Variants in KCNQ1OT1 observed in about 807,000 individuals in gnomAD.
KCNQ1OT1 encodes KCNQ1 opposite strand/antisense transcript 1.
exon 1 of KCNQ1OT1, chr11:2,689,006 T>C (rs990275198): frequency 1.5e-5 from 6 of 398,580 alleles, no homozygotes; most frequent in South Asian, 1.3e-4. Flanking sequence ...TGCAGGTCCC[T>C]GGGTTGGAAT....
At position 2,668,612 on chromosome 11, in the gene KCNQ1OT1, C is replaced by T; in HGVS notation, n.31383G>A. On this transcript the variant is annotated non_coding_transcript_exon_variant, in exon 1 of 1. Coordinates refer to ENST00000597346, the Ensembl canonical transcript of KCNQ1OT1. The surrounding 1 kb of genome is among the most constrained non-coding windows in gnomAD (Gnocchi z 4.3). ...ATCATTCTGTATAAATTGCCTACAT[C>T]TTCTGCCTGTTTTATGTTTATTTAT... 2.5e-6 allele frequency: 1 copy of T among 398,586 alleles called. No individual in the cohort carries two copies. Among genetic ancestry groups the T allele is most frequent in the Non-Finnish European group, 4.4e-6 (1 of 226,060 alleles). The allele number at this position is 398,586 out of a possible 1,614,324, so 24.7% of individuals were successfully genotyped here.
At chr11:2,655,943 C>T (rs1849838841) in exon 1 of KCNQ1OT1, 1 of 398,608 alleles carries the variant, frequency 2.5e-6, no homozygotes, top group African/African-American at 2.1e-5. Flanking sequence ...ACACATTCCT[C>T]TCTGGCAGGT....
At chr11:2,696,043 GTAT>G (rs1850671178) in exon 1 of KCNQ1OT1, 1 of 398,414 alleles carries the variant, frequency 2.5e-6, no homozygotes, top group Non-Finnish European at 4.4e-6. Flanking sequence ...TGTTTCCTTA[GTAT>G]TATTATGAAA....
chr11:2,616,483 T>C, exon 1 of KCNQ1OT1: 1 of 397,946 alleles, frequency 2.5e-6, no homozygotes, highest in Non-Finnish European at 4.4e-6. Context: ...GGTATAATAT[T>C]AGGTTATGGA....
At position 2,683,900 on chromosome 11, in the gene KCNQ1OT1, C is replaced by T; in HGVS notation, n.16095G>A. The T allele has an allele frequency of 2.5e-6, 1 of 398,534 alleles. No individual in the cohort carries two copies. The highest frequency in any genetic ancestry group is 4.4e-5 in the Admixed American group (1 of 22,722). 24.7% of individuals were successfully genotyped at this position (398,534 alleles called of 1,614,324 possible). A position where few individuals can be genotyped will look rare whatever the true frequency, so the allele number is the denominator to read the frequency against. Reference sequence around the variant, plus strand: ...TCCAAATCATAAATGCAAAAGATGGCCAAAGGTGCATGCTCTGTGACACGT... The same window carrying T: ...TCCAAATCATAAATGCAAAAGATGGTCAAAGGTGCATGCTCTGTGACACGT... On this transcript the variant is annotated non_coding_transcript_exon_variant, in exon 1 of 1. Coordinates refer to ENST00000597346, the Ensembl canonical transcript of KCNQ1OT1. This position sits in a 1 kb window ranked among gnomAD's most constrained non-coding sequence, Gnocchi z 4.7.
At chr11:2,629,012 A>G (rs1288687781) in exon 1 of KCNQ1OT1, 2 of 398,350 alleles carry the variant, frequency 5.0e-6, no homozygotes, top group Non-Finnish European at 8.9e-6. Flanking sequence ...ATAATTCAAA[A>G]TAAGCATGTG....
chr11:2,646,824 TTTTG>T (rs1437959506), exon 1 of KCNQ1OT1: 1 of 398,480 alleles, frequency 2.5e-6, no homozygotes, highest in Non-Finnish European at 4.4e-6. Context: ...ACCTACTAAT[TTTTG>T]TTTGTTGATT....
chr11:2,680,136 C>G, exon 1 of KCNQ1OT1: 1 of 396,338 alleles, frequency 2.5e-6, no homozygotes, highest in Non-Finnish European at 4.4e-6. Flanking sequence ...AAGTGATCTG[C>G]CCGCCTCAGC....
At chr11:2,618,742 G>T in exon 1 of KCNQ1OT1, 1 of 398,256 alleles carries the variant, frequency 2.5e-6, no homozygotes, top group South Asian at 1.3e-4. Context: ...ATTTTGATAG[G>T]GATTTTATTC....
exon 1 of KCNQ1OT1, chr11:2,610,942 G>A: frequency 2.5e-6 from 1 of 398,142 alleles, no homozygotes; most frequent in East Asian, 3.6e-5. Context: ...CTGAATAATT[G>A]ATAGAACAAC....
chr11:2,686,826 G>C (rs1394096268), exon 1 of KCNQ1OT1: 2 of 398,572 alleles, frequency 5.0e-6, no homozygotes, highest in East Asian at 3.6e-5. Flanking sequence ...AGCAGCACAA[G>C]TAACTCAGAG....
chr11:2,641,132 G>A (rs149851648), exon 1 of KCNQ1OT1: 124 of 398,428 alleles, frequency 3.1e-4, no homozygotes, highest in African/African-American at 2.4e-3. Context: ...TAAACACGGG[G>A]ATGCAGGTAC....
At chr11:2,618,921 A>G (rs1404687475) in exon 1 of KCNQ1OT1, 4 of 398,170 alleles carry the variant, frequency 1.0e-5, no homozygotes, top group Non-Finnish European at 1.3e-5. Flanking sequence ...ATTCCTAAGC[A>G]ATTTTTTTGA....
exon 1 of KCNQ1OT1, chr11:2,685,037 C>A (rs528863987): frequency 2.3e-4 from 93 of 398,494 alleles, no homozygotes; most frequent in Non-Finnish European, 3.9e-4. Context: ...TGGGTGAGCA[C>A]ATTTCCTGGA....
chr11:2,693,046 G>A (rs1731994594), exon 1 of KCNQ1OT1: 1 of 398,626 alleles, frequency 2.5e-6, no homozygotes, highest in Non-Finnish European at 4.4e-6. Context: ...TGGAGCAGGG[G>A]GAGAGAAAGG....
chr11:2,665,675 G>T (rs533811797), exon 1 of KCNQ1OT1: 6 of 397,794 alleles, frequency 1.5e-5, no homozygotes, highest in African/African-American at 4.1e-5. Context: ...TAAGCCTTTC[G>T]AATGGTGCCA....
Position 2,611,806 on chromosome 11 carries a change from C to CT in KCNQ1OT1, n.88188dup, listed in dbSNP as rs1329675736. 2.5e-6 allele frequency: 1 copy of CT among 398,186 alleles called. No homozygotes were observed. Among genetic ancestry groups the CT allele is most frequent in the East Asian group, 3.6e-5 (1 of 28,026 alleles). 24.7% of individuals were successfully genotyped at this position (398,186 alleles called of 1,614,324 possible). A position where few individuals can be genotyped will look rare whatever the true frequency, so the allele number is the denominator to read the frequency against. ...TGTTCCTCTCTTCCTCCTTTACTGC[C>CT]TTCTGCAGGTTGAATAGATATGTTC... On this transcript the variant is annotated non_coding_transcript_exon_variant, in exon 1 of 1. Coordinates refer to ENST00000597346, the Ensembl canonical transcript of KCNQ1OT1. The surrounding 1 kb of genome is among the most constrained non-coding windows in gnomAD (Gnocchi z 5.3).
chr11:2,613,909 T>A lies in KCNQ1OT1; in HGVS notation n.86086A>T, dbSNP rs181521959. 6.5e-5 allele frequency: 26 copies of A among 398,618 alleles called. No homozygotes were observed. The East Asian group carries it at 8.6e-4, about 13-fold the overall frequency. 24.7% of individuals were successfully genotyped at this position (398,618 alleles called of 1,614,324 possible). A position where few individuals can be genotyped will look rare whatever the true frequency, so the allele number is the denominator to read the frequency against. On this transcript the variant is annotated non_coding_transcript_exon_variant, in exon 1 of 1. Transcript: ENST00000597346. This position sits in a 1 kb window ranked among gnomAD's most constrained non-coding sequence, Gnocchi z 4.8. ...ATTTTCTCATTTCCCAAAAAAGTAC[T>A]ATTCTGTATATGCCCTTTTGAACTT...
chr11:2,616,217 ATTTTTG>A (rs1849061608), exon 1 of KCNQ1OT1: 2 of 384,792 alleles, frequency 5.2e-6, no homozygotes, highest in African/African-American at 2.2e-5. Context: ...TTTTTTTCTT[ATTTTTG>A]TTTTTTTTTG....
Sources: gnomAD v4.1 joint callset for allele counts on GRCh38, gnomAD v4.1.1 for gene constraint, Gnocchi (gnomAD v3.1) non-coding constraint, MANE v1.5 for transcripts, NCBI Gene and HGNC (gene_info 2026-07-23, HGNC 2026-07-21) for gene names.